Variants in ZSWIM6 observed in about 807,000 individuals in gnomAD.
ZSWIM6 encodes the protein zinc finger SWIM domain-containing protein 6.
In ZSWIM6, 9 loss-of-function variants were observed where a neutral mutation model predicts 113.2. The observed-to-expected ratio is 0.08, with a 90% confidence interval of 0.05 to 0.14. ZSWIM6 has a LOEUF of 0.14. ZSWIM6 is among the 10% of genes least tolerant of loss of function. The pLI is 1.00. For synonymous variants in ZSWIM6, 611 were observed against 606.5 expected, an observed-to-expected ratio of 1.01 and a Z score of -0.11; for missense variants, 1,162 against 1,552.2, an observed-to-expected ratio of 0.75 and a Z score of 4.22.
intron 1 of ZSWIM6, among the ~76,000 whole-genome samples, chr5:61,363,931 CTTTCTTTCTT>C (rs1346859964): frequency 4.1e-5 from 6 of 147,650 alleles, no homozygotes; most frequent in South Asian, 4.4e-4. Flanking sequence ...CTCCCTCCCT[CTTTCTTTCTT>C]TTTCTTTCTC....
chr5:61,495,708 G>T (rs1561263337), intron 4 of ZSWIM6, among the ~76,000 whole-genome samples: 1 of 152,008 alleles, frequency 6.6e-6, no homozygotes, highest in Non-Finnish European at 1.5e-5. Flanking sequence ...ATAATGCATG[G>T]TTTAAATAAG....
intron 1 of ZSWIM6, among the ~76,000 whole-genome samples, chr5:61,395,153 T>C (rs1745811719): frequency 6.6e-6 from 1 of 152,150 alleles, no homozygotes; most frequent in Non-Finnish European, 1.5e-5. Flanking sequence ...CTTTCAGTGC[T>C]CTCATGGCCT....
chr5:61,413,659 T>A (rs1746190000), intron 1 of ZSWIM6, among the ~76,000 whole-genome samples: 1 of 152,170 alleles, frequency 6.6e-6, no homozygotes, highest in South Asian at 2.1e-4. Context: ...AATGTTCCTA[T>A]TTCTCCACAT....
intron 1 of ZSWIM6, among the ~76,000 whole-genome samples, chr5:61,381,003 C>G (rs1745462549): frequency 6.9e-6 from 1 of 145,814 alleles, no homozygotes; most frequent in African/African-American, 2.5e-5. Flanking sequence ...AATCCCAGCA[C>G]TTTGGGAGGC....
At chr5:61,382,032 A>T (rs1474526366) in intron 1 of ZSWIM6, among the ~76,000 whole-genome samples, 1 of 152,206 alleles carries the variant, frequency 6.6e-6, no homozygotes, top group Non-Finnish European at 1.5e-5. Flanking sequence ...CCGATACATG[A>T]GGAAAATGAG....
intron 2 of ZSWIM6, among the ~76,000 whole-genome samples, chr5:61,479,375 C>CA (rs1240222457): frequency 1.3e-5 from 2 of 152,000 alleles, no homozygotes; most frequent in African/African-American, 2.4e-5. Context: ...TTGGGGAATG[C>CA]AAAAACAGCC....
chr5:61,517,778 A>ATTATTTAT (rs931454725), intron 4 of ZSWIM6, among the ~76,000 whole-genome samples: 1 of 147,708 alleles, frequency 6.8e-6, no homozygotes, highest in East Asian at 2.0e-4. Flanking sequence ...TAATTATTTA[A>ATTATTTAT]TTATTTATTT....
intron 1 of ZSWIM6, among the ~76,000 whole-genome samples, chr5:61,427,839 A>G (rs1746493510): frequency 6.6e-6 from 1 of 152,144 alleles, no homozygotes; most frequent in Non-Finnish European, 1.5e-5. Flanking sequence ...GACCAACTGT[A>G]TTCTAGTGTA....
At chr5:61,518,257 A>C (rs780684357) in intron 4 of ZSWIM6, among the ~76,000 whole-genome samples, 6 of 151,898 alleles carry the variant, frequency 4.0e-5, no homozygotes, top group African/African-American at 9.7e-5. Flanking sequence ...ATACGTGTGC[A>C]TGTGTCTTTA....
intron 1 of ZSWIM6, among the ~76,000 whole-genome samples, chr5:61,428,384 A>G (rs947363415): frequency 6.6e-6 from 1 of 152,108 alleles, no homozygotes; most frequent in Non-Finnish European, 1.5e-5. Flanking sequence ...TATTTTAGAG[A>G]TGGGGTCCCA....
intron 1 of ZSWIM6, among the ~76,000 whole-genome samples, chr5:61,334,894 T>C (rs374407531): frequency 8.2e-6 from 1 of 122,010 alleles, no homozygotes; most frequent in Non-Finnish European, 1.8e-5. Flanking sequence ...ATGTTGAGGG[T>C]TTTTTTTTTT....
intron 1 of ZSWIM6, among the ~76,000 whole-genome samples, chr5:61,360,301 A>G (rs1319074231): frequency 6.6e-6 from 1 of 152,270 alleles, no homozygotes; most frequent in Non-Finnish European, 1.5e-5. Context: ...GTGGAACCCA[A>G]CTGGAAGCAA....
chr5:61,429,842 T>C (rs191357319), intron 1 of ZSWIM6, among the ~76,000 whole-genome samples: 56 of 152,092 alleles, frequency 3.7e-4, no homozygotes, highest in Middle Eastern at 6.8e-3. Flanking sequence ...ACTGATCACA[T>C]TGTCTTTTGT....
At chr5:61,372,591 C>T (rs752570546) in intron 1 of ZSWIM6, among the ~76,000 whole-genome samples, 42 of 152,278 alleles carry the variant, frequency 2.8e-4, no homozygotes, top group Admixed American at 6.5e-4. Context: ...TTCCTCTTCC[C>T]GCTTTTTGGA....
intron 1 of ZSWIM6, among the ~76,000 whole-genome samples, chr5:61,454,326 G>T (rs1747153306): frequency 6.6e-6 from 1 of 151,260 alleles, no homozygotes; most frequent in Admixed American, 6.6e-5. Flanking sequence ...CACAATTATG[G>T]TTTACTGCAG....
At chr5:61,486,835 G>A (rs984603426) in intron 2 of ZSWIM6, among the ~76,000 whole-genome samples, 6 of 151,888 alleles carry the variant, frequency 4.0e-5, no homozygotes, top group South Asian at 2.1e-4. Flanking sequence ...CTGGATGTTC[G>A]TTCCTTGTCA....
intron 2 of ZSWIM6, among the ~76,000 whole-genome samples, chr5:61,485,229 CCTT>C (rs769978087): frequency 6.6e-6 from 1 of 152,138 alleles, no homozygotes. Flanking sequence ...ATGACTTTCT[CCTT>C]CTTCTGGAAG....
intron 1 of ZSWIM6, among the ~76,000 whole-genome samples, chr5:61,354,037 C>A (rs1744847016): frequency 6.6e-6 from 1 of 152,294 alleles, no homozygotes. Context: ...ATGTGCTTTC[C>A]CCGCTTTGTT....
intron 5 of ZSWIM6, among the ~76,000 whole-genome samples, chr5:61,523,209 C>T (rs1749180838): frequency 1.3e-5 from 2 of 152,158 alleles, no homozygotes; most frequent in South Asian, 4.1e-4. Context: ...TCAGCTGGCT[C>T]CCCAGGGTAG....
Sources: gnomAD v4.1 joint callset for allele counts (sites outside exome capture counted in the v4.1 genomes callset) on GRCh38, gnomAD v4.1.1 for gene constraint, MANE v1.5 for transcripts, NCBI Gene and HGNC (gene_info 2026-07-23, HGNC 2026-07-21) for gene names.